Variants in NISCH observed in about 807,000 individuals in gnomAD.
NISCH encodes nischarin.
In NISCH, 55 loss-of-function variants were observed where a neutral mutation model predicts 138.4. The ratio of observed to expected loss-of-function variants is 0.40; its 90% confidence interval spans 0.32 to 0.50. The LOEUF is 0.50. Among genes scored for constraint, NISCH ranks in the 20% least tolerant of loss-of-function variants. The pLI is 0.71. For missense variants in NISCH, 1,643 were observed against 2,005.5 expected (o/e 0.82, Z 3.45); for synonymous variants, 860 against 861.5 (o/e 1.00, Z 0.03).
chr3:52,461,224 ACT>A (rs1428924347), intron 3 of NISCH, among the ~76,000 whole-genome samples: 1 of 152,056 alleles, frequency 6.6e-6, no homozygotes, highest in African/African-American at 2.4e-5. Flanking sequence ...GGCCACAGAG[ACT>A]CTGTCTCAAA....
intron 3 of NISCH, among the ~76,000 whole-genome samples, chr3:52,461,941 C>G (rs1288933151): frequency 6.6e-6 from 1 of 151,960 alleles, no homozygotes; most frequent in Non-Finnish European, 1.5e-5. Context: ...ACATGCAGTC[C>G]TTTGACGGTA....
intron 1 of NISCH, among the ~76,000 whole-genome samples, chr3:52,456,517 G>A (rs1342527693): frequency 6.6e-6 from 1 of 152,172 alleles, no homozygotes; most frequent in Non-Finnish European, 1.5e-5. Flanking sequence ...GAGCCTGGTG[G>A]GCTGCCTGGC....
chr3:52,460,186 C>CAAAAAAAA (rs60865450), intron 3 of NISCH, among the ~76,000 whole-genome samples: 2 of 56,200 alleles, frequency 3.6e-5, no homozygotes, highest in Non-Finnish European at 3.0e-5. Flanking sequence ...GACTTCATCT[C>CAAAAAAAA]AAAAAAAAAA....
intron 18 of NISCH, among the ~76,000 whole-genome samples, chr3:52,490,446 G>A (rs1310485069): frequency 6.6e-6 from 1 of 152,216 alleles, no homozygotes; most frequent in Non-Finnish European, 1.5e-5. Flanking sequence ...AGGGCCTGGT[G>A]ACTGCTTGGG....
chr3:52,484,496 C>A lies in NISCH; in HGVS notation c.1529-17C>A. The stretch of plus-strand genomic sequence containing the variant: ...CACCCACCCTGCCTGCCTGCCCACC[C>A]GCCCTGGTCTCTCCAGGAATCATGT... On this transcript the variant is annotated splice_polypyrimidine_tract_variant and intron_variant, in intron 13 of 20. Coordinates refer to ENST00000345716, the MANE Select transcript of NISCH (RefSeq NM_007184.4). The A allele has an allele frequency of 1.3e-6, 2 of 1,592,798 alleles. No homozygotes were observed. Among genetic ancestry groups the A allele is most frequent in the East Asian group, 2.3e-5 (1 of 44,188 alleles).
intron 13 of NISCH, 51 bp from the exon 14 acceptor site, chr3:52,484,462 T>TTGGGCCCCCC: frequency 6.5e-5 from 51 of 788,662 alleles, no homozygotes; most frequent in Non-Finnish European, 8.4e-5. Context: ...ACAGCCGCTC[T>TTGGGCCCCCC]CCCCGCCCCA....
chr3:52,467,798 T>G (rs1706830391), intron 3 of NISCH, among the ~76,000 whole-genome samples: 1 of 152,246 alleles, frequency 6.6e-6, no homozygotes, highest in Admixed American at 6.5e-5. Flanking sequence ...TGATTTCATT[T>G]TTCTTTTAGA....
rs765668838 is a variant in NISCH, at chr3:52,455,650, C to T, written c.9C>T (p.Thr3=). 34 of 1,342,428 alleles carry T rather than the reference C, an allele frequency of 2.5e-5. 1 individual carries two copies. The highest frequency in any genetic ancestry group is 2.4e-5 in the South Asian group (1 of 42,126). The allele number at this position is 1,342,428 out of a possible 1,614,324, so 83.2% of individuals were successfully genotyped here. A position where few individuals can be genotyped will look rare whatever the true frequency, so the allele number is the denominator to read the frequency against. Residue 3 remains threonine (T), a synonymous_variant, in exon 1 of 21, where the codon ACC becomes ACT. Coordinates refer to ENST00000345716, the MANE Select transcript of NISCH (RefSeq NM_007184.4). ...GCGGCGGAGACCCGAACATGGCGAC[C>T]GCGCGCACCTTCGGGCCCGAGCGGG... The part of the protein sequence containing the change: MA[T]ARTFGPEREA...
intron 14 of NISCH, among the ~76,000 whole-genome samples, chr3:52,484,858 T>C (rs1707367119): frequency 1.3e-5 from 2 of 151,862 alleles, no homozygotes. Context: ...CCTCCCTCCT[T>C]CCCTTCCCCA....
rs1198757162 is a variant in NISCH, at chr3:52,488,601, G to C, written c.3109G>C (p.Ala1037Pro). 6.2e-7 allele frequency: 1 copy of C among 1,607,552 alleles called. No individual in the cohort carries two copies. Among genetic ancestry groups the C allele is most frequent in the South Asian group, 1.1e-5 (1 of 90,690 alleles). Residue 1037 changes from alanine (A) to proline (P), a missense_variant, in exon 16 of 21, where the codon GCC becomes CCC. Transcript: ENST00000345716. Reference sequence around the variant, plus strand: ...GGATGGCCAGCCTGCCGAGCGCAGGGCCAGGTGAGATCAAGCACAGCTCTC... The same window carrying C: ...GGATGGCCAGCCTGCCGAGCGCAGGCCCAGGTGAGATCAAGCACAGCTCTC... Reference protein sequence around the residue: ...FADGQPAERRASNDQRPQEVP... With the variant: ...FADGQPAERRPSNDQRPQEVP...
intron 3 of NISCH, among the ~76,000 whole-genome samples, chr3:52,466,577 A>G (rs2153230921): frequency 6.6e-6 from 1 of 152,028 alleles, no homozygotes; most frequent in East Asian, 1.9e-4. Flanking sequence ...AAAAAAAAAA[A>G]AAAATAGTGA....
At chr3:52,471,677 CA>C in intron 4 of NISCH, 136 bp from the exon 5 acceptor site, 1 of 959,692 alleles carries the variant, frequency 1.0e-6, no homozygotes, top group Middle Eastern at 2.7e-4. Context: ...GCAGCTCCTG[CA>C]TGCCCAGGGC....
intron 3 of NISCH, among the ~76,000 whole-genome samples, chr3:52,460,784 A>C (rs1366704903): frequency 2.0e-5 from 3 of 152,198 alleles, no homozygotes; most frequent in Admixed American, 6.5e-5. Flanking sequence ...CGTATACCAA[A>C]ATGCTAAGAG....
chr3:52,484,462 T>TAGCCCCC, intron 13 of NISCH, 51 bp from the exon 14 acceptor site: 2 of 788,670 alleles, frequency 2.5e-6, no homozygotes, highest in Non-Finnish European at 1.8e-6. Context: ...ACAGCCGCTC[T>TAGCCCCC]CCCCGCCCCA....
At chr3:52,474,383 G>A (rs913595551) in intron 7 of NISCH, among the ~76,000 whole-genome samples, 1 of 151,928 alleles carries the variant, frequency 6.6e-6, no homozygotes, top group Non-Finnish European at 1.5e-5. Flanking sequence ...TGCAAGCTCT[G>A]CCTCCCGGGT....
intron 3 of NISCH, among the ~76,000 whole-genome samples, chr3:52,469,582 C>T (rs1488463064): frequency 1.3e-5 from 2 of 152,174 alleles, no homozygotes; most frequent in African/African-American, 2.4e-5. Flanking sequence ...CCCTGGGCAA[C>T]ATAGTGAGAC....
Position 52,492,651 on chromosome 3 carries a change from G to T in NISCH, c.*169G>T. 2.0e-6 allele frequency: 2 copies of T among 999,422 alleles called. No homozygotes were observed. Among genetic ancestry groups the T allele is most frequent in the Non-Finnish European group, 2.8e-6 (2 of 705,690 alleles). The allele number at this position is 999,422 out of a possible 1,614,324, so 61.9% of individuals were successfully genotyped here. ...GTTGTGTTAATTCTTTCTCATGTTG[G>T]GAGTGAGAATGCCGGGCCCCTCAGG... On this transcript the variant is annotated 3_prime_UTR_variant, in exon 21 of 21. Transcript: ENST00000345716.
chr3:52,488,032 G>A lies in NISCH; in HGVS notation c.2540G>A (p.Gly847Asp). The change falls in exon 16 of 21, where the codon GGC (glycine) becomes GAC (aspartate). Residue 847 changes from glycine to aspartate, a missense_variant. Transcript: ENST00000345716. The part of the protein sequence containing the change: ...QLLTFYKVAG[G>D]CQERSQGCFP... Reference sequence around the variant, plus strand: ...CTCACCTTCTACAAGGTGGCTGGCGGCTGCCAGGAGCGCAGCCAGGGCTGC... The same window carrying A: ...CTCACCTTCTACAAGGTGGCTGGCGACTGCCAGGAGCGCAGCCAGGGCTGC... 6.2e-7 allele frequency: 1 copy of A among 1,612,070 alleles called. No individual in the cohort carries two copies. Among genetic ancestry groups the A allele is most frequent in the East Asian group, 2.2e-5 (1 of 44,886 alleles).
In NISCH at chr3:52,476,468, T is replaced by A. The variant is rs148320456; in HGVS notation, c.787T>A (p.Ser263Thr). 3.0e-4 allele frequency: 489 copies of A among 1,613,976 alleles called. No homozygotes were observed. Among genetic ancestry groups the A allele is most frequent in the Non-Finnish European group, 3.8e-4 (445 of 1,180,012 alleles). ...SMKEVLVPEA[S>T]EFDEWEPEGT... is the part of the protein sequence containing the mutation. ...GCAGGAAGTCCTTGTTCCTGAAGCC[T>A]CAGAATTTGATGAGTGGGAGCCTGA... is the stretch of plus-strand genomic sequence containing the variant. The change falls in exon 8 of 21, where the codon TCA becomes ACA. Residue 263 changes from serine to threonine, a missense_variant. Physicochemically the swap from Ser to Thr is moderately conservative, Grantham distance 58. Coordinates refer to ENST00000345716, the MANE Select transcript of NISCH (RefSeq NM_007184.4).
Sources: gnomAD v4.1 joint callset for allele counts (sites outside exome capture counted in the v4.1 genomes callset) on GRCh38, gnomAD v4.1.1 for gene constraint, MANE v1.5 for transcripts, NCBI Gene and HGNC (gene_info 2026-07-23, HGNC 2026-07-21) for gene names.